The following TMEM196 variants were observed in gnomAD, a reference collection of about 807,000 sequenced individuals.
The protein encoded by TMEM196 is transmembrane protein 196.
Under a neutral mutation model 20.0 loss-of-function variants are expected in TMEM196, and 17 were observed. That is an observed-to-expected ratio of 0.85 (90% CI 0.58 to 1.27). The LOEUF (loss-of-function observed/expected upper bound fraction) is 1.27, where lower values mean the gene tolerates loss of function less well. TMEM196 is among the 50% of genes most tolerant of loss of function. TMEM196 has a pLI of 0.00. For synonymous variants in TMEM196, 113 were observed against 88.9 expected, an observed-to-expected ratio of 1.27 and a Z score of -1.52; for missense variants, 267 against 223.0, an observed-to-expected ratio of 1.20 and a Z score of -1.26.
At chr7:19,738,628 A>T (rs1004097412) in intron 1 of TMEM196, among the ~76,000 whole-genome samples, 5 of 152,088 alleles carry the variant, frequency 3.3e-5, no homozygotes, top group Non-Finnish European at 7.4e-5. Flanking sequence ...AACAAAACCC[A>T]CATTGAGGTT....
At chr7:19,769,960 T>G (rs1385032594) in intron 1 of TMEM196, among the ~76,000 whole-genome samples, 1 of 152,126 alleles carries the variant, frequency 6.6e-6, no homozygotes, top group Non-Finnish European at 1.5e-5. Flanking sequence ...TTGTTCCTTT[T>G]AATGACCCCA....
intron 1 of TMEM196, among the ~76,000 whole-genome samples, chr7:19,734,229 G>T (rs530238872): frequency 1.6e-4 from 24 of 152,112 alleles, no homozygotes; most frequent in South Asian, 1.2e-3. Context: ...CCTAAAAGTA[G>T]ATATTAAGAT....
chr7:19,724,973 C>T (rs986211972), intron 3 of TMEM196, among the ~76,000 whole-genome samples: 2 of 152,168 alleles, frequency 1.3e-5, no homozygotes, highest in Admixed American at 1.3e-4. Context: ...GTTTAAAATA[C>T]AGGCAAAGCT....
chr7:19,753,393 T>G (rs1279292337), intron 1 of TMEM196, among the ~76,000 whole-genome samples: 2 of 152,094 alleles, frequency 1.3e-5, no homozygotes, highest in African/African-American at 4.8e-5. Context: ...AAACCTGCCT[T>G]CATTTTTGTT....
intron 1 of TMEM196, among the ~76,000 whole-genome samples, chr7:19,769,520 C>T (rs1160770817): frequency 6.6e-6 from 1 of 152,064 alleles, no homozygotes; most frequent in Non-Finnish European, 1.5e-5. Flanking sequence ...TCTATGCTGA[C>T]TGAAAGACTC....
chr7:19,765,421 A>G (rs556070584), intron 1 of TMEM196, among the ~76,000 whole-genome samples: 7 of 152,302 alleles, frequency 4.6e-5, no homozygotes, highest in South Asian at 2.1e-4. Flanking sequence ...TAATTGAGGT[A>G]TCTGTGAATA....
At chr7:19,737,724 A>G (rs1784458655) in intron 1 of TMEM196, among the ~76,000 whole-genome samples, 1 of 151,686 alleles carries the variant, frequency 6.6e-6, no homozygotes. Context: ...TAGAGACAGT[A>G]AAAAAAAGAG....
intron 1 of TMEM196, among the ~76,000 whole-genome samples, chr7:19,762,237 G>T (rs1452335774): frequency 2.0e-5 from 3 of 151,948 alleles, no homozygotes; most frequent in Non-Finnish European, 4.4e-5. Flanking sequence ...CCGTCTCATA[G>T]ATAGTAGTAA....
intron 1 of TMEM196, among the ~76,000 whole-genome samples, chr7:19,772,027 C>T (rs1214669656): frequency 3.9e-5 from 6 of 152,200 alleles, no homozygotes; most frequent in African/African-American, 9.7e-5. Flanking sequence ...CACACTCACA[C>T]CACGTTTCTG....
rs184927717 is a variant in TMEM196, at chr7:19,773,086, G to A, written c.-390C>T. The A allele has an allele frequency of 5.5e-4, 93 of 167,998 alleles. 1 individual carries two copies. Among genetic ancestry groups the A allele is most frequent in the African/African-American group, 2.0e-3 (85 of 42,310 alleles). 10.4% of individuals were successfully genotyped at this position (167,998 alleles called of 1,614,324 possible). A position where few individuals can be genotyped will look rare whatever the true frequency, so the allele number is the denominator to read the frequency against. On this transcript the variant is annotated 5_prime_UTR_variant, in exon 1 of 5. Coordinates refer to ENST00000405844, the MANE Select transcript of TMEM196 (RefSeq NM_001363562.2). The stretch of plus-strand genomic sequence containing the variant: ...CCCAAATCTCCGCAGGGAAACCCGC[G>A]CCCTCCTCAGCCTACTAGACCCTTT...
At chr7:19,767,833 G>A (rs1296745641) in intron 1 of TMEM196, among the ~76,000 whole-genome samples, 1 of 151,934 alleles carries the variant, frequency 6.6e-6, no homozygotes, top group Non-Finnish European at 1.5e-5. Context: ...TACATTTGCA[G>A]TAACTGAGAG....
At chr7:19,767,548 C>A (rs1785685241) in intron 1 of TMEM196, among the ~76,000 whole-genome samples, 1 of 151,920 alleles carries the variant, frequency 6.6e-6, no homozygotes, top group Non-Finnish European at 1.5e-5. Context: ...GTCTGTGAAA[C>A]TATAATAAAA....
intron 1 of TMEM196, among the ~76,000 whole-genome samples, chr7:19,757,022 A>C (rs1725870578): frequency 1.3e-5 from 2 of 152,046 alleles, no homozygotes; most frequent in Admixed American, 1.3e-4. Flanking sequence ...CAAGTCAAGA[A>C]AAGACAAGTT....
At chr7:19,761,382 T>A (rs184615075) in intron 1 of TMEM196, among the ~76,000 whole-genome samples, 1 of 152,242 alleles carries the variant, frequency 6.6e-6, no homozygotes, top group African/African-American at 2.4e-5. Flanking sequence ...TACACCGTGT[T>A]TCTTCCACTA....
chr7:19,751,973 A>T (rs1165626398), intron 1 of TMEM196, among the ~76,000 whole-genome samples: 1 of 152,166 alleles, frequency 6.6e-6, no homozygotes, highest in East Asian at 1.9e-4. Flanking sequence ...TTGTAAGTGG[A>T]CTGTCTTCTG....
At position 19,719,657 on chromosome 7, in the gene TMEM196, C is replaced by G. The variant is rs1783752053; in HGVS notation, c.*2471G>C. 6.6e-6 allele frequency: 1 copy of G among 151,948 alleles called. No individual in the cohort carries two copies. Among genetic ancestry groups the G allele is most frequent in the African/African-American group, 2.4e-5 (1 of 41,386 alleles). The allele number at this position is 151,948 out of a possible 1,614,324, so 9.4% of individuals were successfully genotyped here. ...CCAGCATGTGGTTCAATGTATTGTC[C>G]AAATTAAAGTTTCAAGCACTTGAAC... On this transcript the variant is annotated 3_prime_UTR_variant, in exon 5 of 5. Transcript: ENST00000405844.
intron 2 of TMEM196, 135 bp downstream of exon 2, chr7:19,729,243 GATTT>G (rs953060351): frequency 2.2e-5 from 13 of 601,658 alleles, no homozygotes; most frequent in African/African-American, 4.5e-5. Flanking sequence ...GAAAAGGCAG[GATTT>G]ATTTGTCAGT....
intron 1 of TMEM196, among the ~76,000 whole-genome samples, chr7:19,732,589 A>G (rs10231337): frequency 8.0e-6 from 1 of 125,512 alleles, no homozygotes; most frequent in African/African-American, 3.3e-5. Flanking sequence ...AAAAAACAAA[A>G]AAAAAAAAAA....
At chr7:19,755,136 G>A (rs868151014) in intron 1 of TMEM196, among the ~76,000 whole-genome samples, 60 of 152,224 alleles carry the variant, frequency 3.9e-4, no homozygotes, top group African/African-American at 1.3e-3. Context: ...AGGATTCAGT[G>A]CAATTATTAA....
Sources: gnomAD v4.1 joint callset for allele counts (sites outside exome capture counted in the v4.1 genomes callset) on GRCh38, gnomAD v4.1.1 for gene constraint, MANE v1.5 for transcripts, NCBI Gene and HGNC (gene_info 2026-07-23, HGNC 2026-07-21) for gene names.